The following STIMATE variants were observed in gnomAD, a reference collection of about 807,000 sequenced individuals.
STIMATE encodes store-operated calcium entry regulator STIMATE.
In STIMATE, 15 loss-of-function variants were observed where a neutral mutation model predicts 36.7. The observed-to-expected ratio is 0.41, with a 90% CI of 0.27 to 0.63. STIMATE has a LOEUF of 0.63. Ranked by LOEUF, STIMATE falls within the 20% of genes least tolerant of loss-of-function variation. STIMATE has a pLI of 0.32. For synonymous variants in STIMATE, 163 were observed against 162.3 expected (o/e 1.00, Z -0.03); for missense variants, 305 against 397.3 (o/e 0.77, Z 1.98).
Position 52,839,884 on chromosome 3 carries a change from CG to C in STIMATE, c.*609del, listed in dbSNP as rs1271038545. On this transcript the variant is annotated 3_prime_UTR_variant, in exon 8 of 8. Coordinates refer to ENST00000355083, the MANE Select transcript of STIMATE (RefSeq NM_198563.5). Reference sequence around the variant, plus strand: ...AAAAATATAAAAGTCAAACAGCATACGGAAGACTTAAAAATCTCTGTTTTGC... The same window carrying C: ...AAAAATATAAAAGTCAAACAGCATACGAAGACTTAAAAATCTCTGTTTTGC... 13 of 152,676 alleles carry C rather than the reference CG, an allele frequency of 8.5e-5. No individual in the cohort carries two copies. In the East Asian group the frequency reaches 2.3e-3, roughly 27 times the overall value. 9.5% of individuals were successfully genotyped at this position (152,676 alleles called of 1,614,324 possible).
intron 1 of STIMATE, among the ~76,000 whole-genome samples, chr3:52,895,480 G>A (rs1004565617): frequency 6.6e-6 from 1 of 152,180 alleles, no homozygotes; most frequent in East Asian, 1.9e-4. Flanking sequence ...TCCACGTCAA[G>A]CCTCACAGTG....
At chr3:52,874,834 T>A (rs1701470943) in intron 1 of STIMATE, among the ~76,000 whole-genome samples, 1 of 152,142 alleles carries the variant, frequency 6.6e-6, no homozygotes, top group African/African-American at 2.4e-5. Context: ...AGAGGGAGAT[T>A]CTGTCTCAAA....
chr3:52,855,334 A>ACCCCCAAAC, intron 2 of STIMATE, 62 bp downstream of exon 2: 7 of 799,262 alleles, frequency 8.8e-6, no homozygotes, highest in Non-Finnish European at 9.0e-6. Context: ...CCCCACCCCC[A>ACCCCCAAAC]GCCCCAAGAC....
chr3:52,891,331 G>A (rs1451790070), intron 1 of STIMATE, among the ~76,000 whole-genome samples: 3 of 152,184 alleles, frequency 2.0e-5, no homozygotes, highest in Non-Finnish European at 2.9e-5. Flanking sequence ...CTCACCGACC[G>A]CTTCTGTACA....
chr3:52,852,562 G>C (rs1465565879), intron 3 of STIMATE, 41 bp downstream of exon 3: 5 of 1,609,652 alleles, frequency 3.1e-6, no homozygotes, highest in Non-Finnish European at 1.7e-6. Context: ...ATTTTCAATG[G>C]AGGGGCAGCT....
intron 6 of STIMATE, among the ~76,000 whole-genome samples, chr3:52,843,340 C>T (rs1700836904): frequency 6.6e-6 from 1 of 152,216 alleles, no homozygotes; most frequent in Non-Finnish European, 1.5e-5. Flanking sequence ...CTCACCACTT[C>T]TGTTTCTTAA....
chr3:52,874,133 A>T (rs1701459628), intron 1 of STIMATE, among the ~76,000 whole-genome samples: 1 of 152,244 alleles, frequency 6.6e-6, no homozygotes, highest in African/African-American at 2.4e-5. Context: ...CATTGTCTTT[A>T]AGAGTGGAAG....
chr3:52,895,083 T>C (rs537409133), intron 1 of STIMATE, among the ~76,000 whole-genome samples: 2 of 152,348 alleles, frequency 1.3e-5, no homozygotes, highest in Non-Finnish European at 2.9e-5. Context: ...GGAGGACTAA[T>C]AGCCCAGGAC....
At chr3:52,860,041 A>G (rs1167006946) in intron 1 of STIMATE, among the ~76,000 whole-genome samples, 1 of 134,494 alleles carries the variant, frequency 7.4e-6, no homozygotes. Flanking sequence ...CTTTCCCTAG[A>G]ACAGTCCAGA....
chr3:52,884,667 T>C (rs1701663932), intron 1 of STIMATE, among the ~76,000 whole-genome samples: 1 of 152,264 alleles, frequency 6.6e-6, no homozygotes, highest in Non-Finnish European at 1.5e-5. Flanking sequence ...TCATTCAGTA[T>C]GTATTCCTTT....
Position 52,844,949 on chromosome 3 carries a change from G to T in STIMATE, c.428-8C>A. The T allele has an allele frequency of 6.2e-7, 1 of 1,613,018 alleles. No homozygotes were observed. On this transcript the variant is annotated splice_region_variant and splice_polypyrimidine_tract_variant and intron_variant, in intron 4 of 7. Transcript: ENST00000355083. Reference sequence around the variant, plus strand: ...CACACTGCAGAGGGTCTCCTGCAGGGACAGGCGGGTGCTTAGTCACATGGG... The same window carrying T: ...CACACTGCAGAGGGTCTCCTGCAGGTACAGGCGGGTGCTTAGTCACATGGG...
chr3:52,880,647 A>G (rs1362846633), intron 1 of STIMATE, among the ~76,000 whole-genome samples: 2 of 152,168 alleles, frequency 1.3e-5, no homozygotes, highest in African/African-American at 2.4e-5. Context: ...AAGGGCTCAT[A>G]GGAAAAGGGA....
chr3:52,851,210 G>C (rs1425338449), intron 3 of STIMATE, among the ~76,000 whole-genome samples: 1 of 152,206 alleles, frequency 6.6e-6, no homozygotes, highest in African/African-American at 2.4e-5. Flanking sequence ...TCTCTTGAGG[G>C]CCTTGTACCC....
chr3:52,839,652 T>C lies in STIMATE; in HGVS notation c.*842A>G, dbSNP rs995622136. The C allele has an allele frequency of 5.9e-5, 9 of 152,182 alleles. No homozygotes were observed. The highest frequency in any genetic ancestry group is 1.2e-4 in the African/African-American group (5 of 41,432). The allele number at this position is 152,182 out of a possible 1,614,324, so 9.4% of individuals were successfully genotyped here. ...CTTGGGTCTGACCTTCACAGAACCA[T>C]TGGGTTTGCTGATTCTAGAGAAGGG... On this transcript the variant is annotated 3_prime_UTR_variant, in exon 8 of 8. Coordinates refer to ENST00000355083, the MANE Select transcript of STIMATE (RefSeq NM_198563.5).
intron 4 of STIMATE, among the ~76,000 whole-genome samples, chr3:52,845,300 C>T (rs922122971): frequency 3.9e-5 from 6 of 152,200 alleles, no homozygotes; most frequent in Non-Finnish European, 4.4e-5. Context: ...TATTCTTATC[C>T]GTTGTTGATT....
chr3:52,848,895 T>C (rs1353935560), intron 4 of STIMATE, among the ~76,000 whole-genome samples: 1 of 152,236 alleles, frequency 6.6e-6, no homozygotes, highest in Non-Finnish European at 1.5e-5. Context: ...AGCCCTGCCC[T>C]GAGCTCATCT....
At chr3:52,871,071 A>C (rs1445385042) in intron 1 of STIMATE, among the ~76,000 whole-genome samples, 1 of 152,134 alleles carries the variant, frequency 6.6e-6, no homozygotes, top group Non-Finnish European at 1.5e-5. Flanking sequence ...TCATCGTTGC[A>C]TTAGGAGGCA....
At chr3:52,887,267 C>T (rs1350169505) in intron 1 of STIMATE, among the ~76,000 whole-genome samples, 2 of 152,220 alleles carry the variant, frequency 1.3e-5, no homozygotes, top group African/African-American at 4.8e-5. Flanking sequence ...ATAATCCCAG[C>T]CTCCTTCCAC....
At chr3:52,876,585 T>C (rs1177916567) in intron 1 of STIMATE, among the ~76,000 whole-genome samples, 3 of 152,252 alleles carry the variant, frequency 2.0e-5, no homozygotes, top group African/African-American at 7.2e-5. Flanking sequence ...GCTTTCAATT[T>C]GAAGATCAAG....
Sources: gnomAD v4.1 joint callset for allele counts (sites outside exome capture counted in the v4.1 genomes callset) on GRCh38, gnomAD v4.1.1 for gene constraint, MANE v1.5 for transcripts, NCBI Gene and HGNC (gene_info 2026-07-23, HGNC 2026-07-21) for gene names.